NCKAP5: variants seen among roughly 807,000 people sequenced by gnomAD.
NCKAP5 encodes the protein nck-associated protein 5.
A neutral mutation model predicts 167.0 loss-of-function variants in NCKAP5; 92 were observed. That is an observed-to-expected ratio of 0.55 (90% CI 0.47 to 0.66). The LOEUF is 0.66. Ranked by LOEUF, NCKAP5 falls within the 30% of genes least tolerant of loss-of-function variation. The pLI, the probability that NCKAP5 is intolerant of heterozygous loss-of-function variation, is 0.00. For missense variants in NCKAP5, 2,378 were observed against 2,315.0 expected, an observed-to-expected ratio of 1.03 and a Z score of -0.56; for synonymous variants, 891 against 877.4, an observed-to-expected ratio of 1.02 and a Z score of -0.27.
chr2:133,025,293 C>G (rs569946541), intron 6 of NCKAP5, among the ~76,000 whole-genome samples: 1 of 152,200 alleles, frequency 6.6e-6, no homozygotes, highest in African/African-American at 2.4e-5. Flanking sequence ...CTAGTTGATA[C>G]ATACAATGTA....
intron 2 of NCKAP5, among the ~76,000 whole-genome samples, chr2:133,529,367 C>T (rs906518039): frequency 6.6e-6 from 1 of 152,066 alleles, no homozygotes; most frequent in African/African-American, 2.4e-5. Flanking sequence ...ATCTATTGTT[C>T]CGTGACTGCA....
chr2:132,835,554 AC>A (rs946280965), intron 11 of NCKAP5, among the ~76,000 whole-genome samples: 5 of 149,388 alleles, frequency 3.3e-5, no homozygotes, highest in African/African-American at 1.2e-4. Flanking sequence ...CTGAATTTTT[AC>A]TTTTTTTTTT....
At chr2:132,773,692 T>C (rs1682291975) in intron 16 of NCKAP5, 124 bp downstream of exon 16, 2 of 762,030 alleles carry the variant, frequency 2.6e-6, no homozygotes, top group Middle Eastern at 3.9e-4. Flanking sequence ...ATGGCAACCA[T>C]GTGTGAATAG....
chr2:133,518,295 C>A (rs1684179837), intron 2 of NCKAP5, among the ~76,000 whole-genome samples: 1 of 144,158 alleles, frequency 6.9e-6, no homozygotes, highest in African/African-American at 2.5e-5. Context: ...TTCCAATTTT[C>A]ACAAAGATGT....
intron 3 of NCKAP5, among the ~76,000 whole-genome samples, chr2:133,348,557 C>A (rs1418028818): frequency 6.6e-6 from 1 of 152,142 alleles, no homozygotes; most frequent in Non-Finnish European, 1.5e-5. Context: ...AAAGGCCCTA[C>A]TACCCACACT....
intron 17 of NCKAP5, among the ~76,000 whole-genome samples, chr2:132,730,876 T>C (rs1027832384): frequency 6.6e-6 from 1 of 152,344 alleles, no homozygotes; most frequent in Admixed American, 6.5e-5. Context: ...GGTATTCCTA[T>C]ATAAAGGAAG....
chr2:133,610,244 G>A, the NCKAP5 span, among the ~76,000 whole-genome samples: 1 of 152,136 alleles, frequency 6.6e-6, no homozygotes, highest in African/African-American at 2.4e-5. Flanking sequence ...CATATTTCTT[G>A]CAAAATAGCA....
intron 3 of NCKAP5, among the ~76,000 whole-genome samples, chr2:133,330,053 C>CTTTTTTTT (rs1165568563): frequency 9.3e-5 from 8 of 85,704 alleles, no homozygotes; most frequent in African/African-American, 1.9e-4. Flanking sequence ...AAAGCAAGAC[C>CTTTTTTTT]TTTTTTTTTT....
At chr2:133,605,260 C>G in the NCKAP5 span, among the ~76,000 whole-genome samples, 1 of 152,134 alleles carries the variant, frequency 6.6e-6, no homozygotes, top group African/African-American at 2.4e-5. Flanking sequence ...GTTGGTTGGT[C>G]CCTGTGAATT....
At chr2:133,343,888 C>T (rs1683769046) in intron 3 of NCKAP5, among the ~76,000 whole-genome samples, 1 of 152,184 alleles carries the variant, frequency 6.6e-6, no homozygotes, top group Non-Finnish European at 1.5e-5. Context: ...TGGACAATTT[C>T]AGTCTAACAA....
intron 19 of NCKAP5, among the ~76,000 whole-genome samples, chr2:132,694,740 CT>C (rs750146497): frequency 6.6e-5 from 10 of 152,202 alleles, no homozygotes; most frequent in Non-Finnish European, 1.0e-4. Context: ...CAACGCCTCA[CT>C]TTGAAGCTTT....
At chr2:132,838,805 A>C (rs1036185158) in intron 11 of NCKAP5, among the ~76,000 whole-genome samples, 1 of 152,220 alleles carries the variant, frequency 6.6e-6, no homozygotes, top group Non-Finnish European at 1.5e-5. Flanking sequence ...AGCTATTGCC[A>C]GCTGCCATTT....
intron 3 of NCKAP5, among the ~76,000 whole-genome samples, chr2:133,470,285 G>C (rs865895292): frequency 1.8e-4 from 28 of 151,982 alleles, no homozygotes; most frequent in South Asian, 1.0e-3. Flanking sequence ...AGGTGTCAGT[G>C]TGCCCCTGCT....
intron 6 of NCKAP5, among the ~76,000 whole-genome samples, chr2:132,997,024 A>G (rs2077623503): frequency 6.6e-6 from 1 of 152,240 alleles, no homozygotes. Flanking sequence ...CTGTGAAGAA[A>G]AGCAGGCTGA....
In NCKAP5 at chr2:132,783,281, T is replaced by A. The variant is rs370818253; in HGVS notation, c.3530A>T (p.Glu1177Val). The change falls in exon 14 of 20, where the codon GAA (glutamate) becomes GTA (valine). Residue 1177 changes from glutamate to valine, a missense_variant. Physicochemically the swap from Glu to Val is moderately radical, Grantham distance 121 (BLOSUM62 -2). Transcript: ENST00000409261. ...CACAGCCACGGAACTTTTGGAGGCT[T>A]CATTTAAACTGTCTTTTTCATGTTT... ...PGKHEKDSLN[E>V]ASKSSVAVNK... is the part of the protein sequence containing the mutation. The A allele has an allele frequency of 5.6e-6, 9 of 1,613,842 alleles. No homozygotes were observed. The highest frequency in any genetic ancestry group is 7.6e-6 in the Non-Finnish European group (9 of 1,179,892).
intron 4 of NCKAP5, among the ~76,000 whole-genome samples, chr2:133,228,408 A>C (rs993467611): frequency 6.6e-6 from 1 of 152,140 alleles, no homozygotes; most frequent in African/African-American, 2.4e-5. Context: ...TATGCCATTA[A>C]ATACCTTACT....
intron 4 of NCKAP5, among the ~76,000 whole-genome samples, chr2:133,280,505 C>T (rs929675298): frequency 5.3e-5 from 8 of 152,066 alleles, no homozygotes; most frequent in Non-Finnish European, 1.0e-4. Context: ...CTCCCAGGCT[C>T]GAGCCATCCT....
At chr2:132,746,733 T>G (rs1485856397) in intron 16 of NCKAP5, among the ~76,000 whole-genome samples, 1 of 152,104 alleles carries the variant, frequency 6.6e-6, no homozygotes, top group Non-Finnish European at 1.5e-5. Flanking sequence ...TATCAGCCAG[T>G]GGATAAACAA....
intron 8 of NCKAP5, among the ~76,000 whole-genome samples, chr2:132,884,807 G>A (rs1219646532): frequency 1.3e-5 from 2 of 151,544 alleles, no homozygotes; most frequent in Non-Finnish European, 2.9e-5. Flanking sequence ...TGGAAATAAA[G>A]CTGAAAATGG....
Sources: allele counts gnomAD v4.1 joint callset (sites outside exome capture counted in the v4.1 genomes callset), GRCh38; gene constraint gnomAD v4.1.1; transcripts MANE v1.5; gene names NCBI Gene and HGNC (gene_info 2026-07-23, HGNC 2026-07-21).